The following RNF38 variants were observed in gnomAD, a reference collection of about 807,000 sequenced individuals.
RNF38 encodes E3 ubiquitin-protein ligase RNF38.
Under a neutral mutation model 67.2 loss-of-function variants are expected in RNF38, and 15 were observed. The observed-to-expected ratio is 0.22, with a 90% CI of 0.15 to 0.34. The LOEUF is 0.34. Ranked by LOEUF, RNF38 falls within the 10% of genes least tolerant of loss-of-function variation. The pLI is 1.00. For synonymous variants in RNF38, 220 were observed against 218.8 expected (o/e 1.01, Z -0.05); for missense variants, 524 against 639.9 (o/e 0.82, Z 1.95).
At chr9:36,367,399 G>A (rs1028781824) in intron 4 of RNF38, among the ~76,000 whole-genome samples, 1 of 151,964 alleles carries the variant, frequency 6.6e-6, no homozygotes, top group Non-Finnish European at 1.5e-5. Context: ...AAGAAATGAT[G>A]GCTAGATTTT....
At chr9:36,380,533 T>C (rs1367306382) in intron 2 of RNF38, among the ~76,000 whole-genome samples, 1 of 150,920 alleles carries the variant, frequency 6.6e-6, no homozygotes, top group Admixed American at 6.6e-5. Flanking sequence ...CACTCTGTCA[T>C]TGAGGCTGGA....
intron 1 of RNF38, among the ~76,000 whole-genome samples, chr9:36,478,589 G>T (rs1188858574): frequency 2.0e-5 from 3 of 151,572 alleles, no homozygotes; most frequent in South Asian, 2.1e-4. Context: ...AGGCCGAGGA[G>T]GGTAGATCAT....
At chr9:36,419,938 GA>G (rs1312026501) in intron 2 of RNF38, among the ~76,000 whole-genome samples, 2 of 152,138 alleles carry the variant, frequency 1.3e-5, no homozygotes, top group Admixed American at 6.5e-5. Context: ...CTGGGGGCAA[GA>G]AAAAAAACTA....
chr9:36,343,981 T>A (rs1031598090), intron 10 of RNF38, among the ~76,000 whole-genome samples: 1 of 152,152 alleles, frequency 6.6e-6, no homozygotes, highest in Non-Finnish European at 1.5e-5. Flanking sequence ...CACAGCTCTA[T>A]GAATATACAA....
chr9:36,428,439 T>G (rs1838843590), intron 1 of RNF38, among the ~76,000 whole-genome samples: 1 of 136,338 alleles, frequency 7.3e-6, no homozygotes, highest in Non-Finnish European at 1.6e-5. Flanking sequence ...AAAACTGTAG[T>G]ACAACTATTG....
rs758330654 is a variant in RNF38 at position 36,400,139 on chromosome 9, TG to T, written c.-32del. The T allele has an allele frequency of 2.1e-5, 34 of 1,611,726 alleles. No individual in the cohort carries two copies. The Admixed American group carries it at 3.5e-4, about 17-fold the overall frequency. ...CGTAAACAAAAACTTTATTTCTTTT[TG>T]GACCTCAATAACCTGAAACACTCCC... On this transcript the variant is annotated 5_prime_UTR_variant, in exon 1 of 12. Transcript: ENST00000259605.
At chr9:36,358,522 C>T (rs1480547570) in intron 4 of RNF38, among the ~76,000 whole-genome samples, 1 of 152,154 alleles carries the variant, frequency 6.6e-6, no homozygotes, top group Non-Finnish European at 1.5e-5. Flanking sequence ...TCATACTACC[C>T]TGCAACTTTG....
chr9:36,394,271 CA>C (rs1292578735), intron 1 of RNF38, among the ~76,000 whole-genome samples: 62 of 140,666 alleles, frequency 4.4e-4, no homozygotes, highest in Admixed American at 6.4e-4. Flanking sequence ...AAGACTGTCT[CA>C]AAAAAAAAAA....
intron 2 of RNF38, among the ~76,000 whole-genome samples, chr9:36,381,887 A>G (rs1836237320): frequency 6.6e-6 from 1 of 152,168 alleles, no homozygotes; most frequent in African/African-American, 2.4e-5. Context: ...CTCAGAATAA[A>G]CCTCTTTAAA....
intron 1 of RNF38, 110 bp from the exon 2 acceptor site, chr9:36,390,726 C>A: frequency 5.5e-6 from 6 of 1,093,832 alleles, no homozygotes; most frequent in Non-Finnish European, 7.9e-6. Flanking sequence ...ATTCTGCTAG[C>A]GAAGACAGGA....
intron 1 of RNF38, among the ~76,000 whole-genome samples, chr9:36,453,540 G>A (rs1051642831): frequency 6.6e-6 from 1 of 151,932 alleles, no homozygotes; most frequent in Non-Finnish European, 1.5e-5. Context: ...ACGCTGCCAC[G>A]ACTGGCTAAT....
intron 1 of RNF38, among the ~76,000 whole-genome samples, chr9:36,482,732 T>G (rs1564080521): frequency 2.0e-5 from 3 of 152,224 alleles, no homozygotes; most frequent in Admixed American, 2.0e-4. Context: ...TAAGCTGTGC[T>G]CTTTGGTTCA....
At position 36,338,807 on chromosome 9, in the gene RNF38, A is replaced by C. The variant is rs1465558465; in HGVS notation, c.*945T>G. 6.6e-6 allele frequency: 1 copy of C among 152,592 alleles called. No homozygotes were observed. The highest frequency in any genetic ancestry group is 6.5e-5 in the Admixed American group (1 of 15,282). 9.5% of individuals were successfully genotyped at this position (152,592 alleles called of 1,614,324 possible). A position where few individuals can be genotyped will look rare whatever the true frequency, so the allele number is the denominator to read the frequency against. ...CTGTAAGAAACTTACTGGAAATGTAAAGGAAAAAAAAGTATCAACATTCAA... is the reference window on the plus strand; with the variant it reads ...CTGTAAGAAACTTACTGGAAATGTACAGGAAAAAAAAGTATCAACATTCAA... On this transcript the variant is annotated 3_prime_UTR_variant, in exon 12 of 12. Transcript: ENST00000259605.
chr9:36,443,949 G>T (rs1839249330), intron 1 of RNF38, among the ~76,000 whole-genome samples: 1 of 152,210 alleles, frequency 6.6e-6, no homozygotes, highest in Non-Finnish European at 1.5e-5. Context: ...GAACCAAGCA[G>T]GCTGGAGCCA....
chr9:36,399,528 A>G (rs548274571), intron 1 of RNF38, among the ~76,000 whole-genome samples: 2 of 148,352 alleles, frequency 1.3e-5, no homozygotes, highest in African/African-American at 4.9e-5. Flanking sequence ...AAATAAATAT[A>G]TTATAAATAT....
chr9:36,343,169 TTTGG>T (rs1832971304), intron 10 of RNF38, among the ~76,000 whole-genome samples: 1 of 152,232 alleles, frequency 6.6e-6, no homozygotes, highest in African/African-American at 2.4e-5. Flanking sequence ...ATTTTCAATC[TTTGG>T]TTGGTTGAAT....
At chr9:36,366,185 A>T (rs945859559) in intron 4 of RNF38, among the ~76,000 whole-genome samples, 13 of 152,242 alleles carry the variant, frequency 8.5e-5, no homozygotes, top group African/African-American at 3.1e-4. Flanking sequence ...CCTATCATTT[A>T]AAAAAAATTT....
At chr9:36,354,403 G>A (rs558579939) in intron 6 of RNF38, among the ~76,000 whole-genome samples, 4 of 152,244 alleles carry the variant, frequency 2.6e-5, no homozygotes, top group East Asian at 3.9e-4. Context: ...GGGTTTCACC[G>A]TGTTAGCCAG....
chr9:36,430,416 G>T (rs781003210), intron 1 of RNF38, among the ~76,000 whole-genome samples: 74 of 152,228 alleles, frequency 4.9e-4, no homozygotes, highest in Non-Finnish European at 9.3e-4. Flanking sequence ...TGTTCGTCAG[G>T]CTGGTCTTGA....
Sources: allele counts gnomAD v4.1 joint callset (sites outside exome capture counted in the v4.1 genomes callset), GRCh38; gene constraint gnomAD v4.1.1; transcripts MANE v1.5; gene names NCBI Gene and HGNC (gene_info 2026-07-23, HGNC 2026-07-21).